Variants in NAV1 observed in about 807,000 individuals in gnomAD.
NAV1 encodes pore membrane and/or filament interacting like protein 3.
In NAV1, 18 loss-of-function variants were observed where a neutral mutation model predicts 175.2. The ratio of observed to expected loss-of-function variants is 0.10; its 90% CI spans 0.07 to 0.15. NAV1 has a LOEUF of 0.15. Among genes scored for constraint, NAV1 ranks in the 10% least tolerant of loss-of-function variants. NAV1 has a pLI of 1.00. For synonymous variants in NAV1, 897 were observed against 978.7 expected, an observed-to-expected ratio of 0.92 and a Z score of 1.56; for missense variants, 1,731 against 2,436.6, an observed-to-expected ratio of 0.71 and a Z score of 6.10.
At chr1:201,774,884 T>C (rs1288017518) in intron 3 of NAV1, among the ~76,000 whole-genome samples, 1 of 152,190 alleles carries the variant, frequency 6.6e-6, no homozygotes, top group Non-Finnish European at 1.5e-5. Flanking sequence ...GATGAGATCA[T>C]GGGAAGCTGG....
intron 1 of NAV1, among the ~76,000 whole-genome samples, chr1:201,627,327 C>T (rs913543767): frequency 5.3e-5 from 8 of 151,868 alleles, no homozygotes; most frequent in Non-Finnish European, 1.0e-4. Flanking sequence ...GGCTGGAGTG[C>T]AGTAGCACGA....
At chr1:201,642,461 G>A (rs749688446) in intron 2 of NAV1, among the ~76,000 whole-genome samples, 2 of 151,412 alleles carry the variant, frequency 1.3e-5, no homozygotes, top group African/African-American at 2.4e-5. Flanking sequence ...TCCTGACCTC[G>A]TGATTCACCC....
intron 2 of NAV1, among the ~76,000 whole-genome samples, chr1:201,641,668 G>A (rs1275268757): frequency 6.6e-5 from 10 of 152,188 alleles, no homozygotes; most frequent in South Asian, 2.1e-4. Flanking sequence ...CAGAGAAAAC[G>A]TATAGAAAAT....
At chr1:201,765,329 T>C (rs1675132505) in intron 3 of NAV1, among the ~76,000 whole-genome samples, 1 of 151,330 alleles carries the variant, frequency 6.6e-6, no homozygotes, top group Non-Finnish European at 1.5e-5. Flanking sequence ...CAAGGTACAG[T>C]AGAGCATTGG....
At chr1:201,783,554 C>T (rs762228254) in exon 7 of NAV1, 5 of 1,614,004 alleles carry the variant, frequency 3.1e-6, no homozygotes, top group Non-Finnish European at 3.4e-6. Context: ...ATCTGGGGGC[C>T]CTCTCCCTTC....
At chr1:201,747,915 C>T (rs973281100) in intron 3 of NAV1, among the ~76,000 whole-genome samples, 3 of 152,202 alleles carry the variant, frequency 2.0e-5, no homozygotes, top group Non-Finnish European at 2.9e-5. Flanking sequence ...TCTTGGGATC[C>T]TTCTTCCAGA....
chr1:201,584,384 C>T (rs555396543), intron 1 of NAV1, among the ~76,000 whole-genome samples: 2 of 152,320 alleles, frequency 1.3e-5, no homozygotes, highest in African/African-American at 4.8e-5. Context: ...TGGATTCTAA[C>T]CACTTAGATT....
chr1:201,714,549 C>T (rs1053218409), intron 2 of NAV1, among the ~76,000 whole-genome samples: 3 of 152,192 alleles, frequency 2.0e-5, no homozygotes, highest in Non-Finnish European at 4.4e-5. Context: ...GTGGGGGCTC[C>T]AGGACCCCCT....
intron 1 of NAV1, among the ~76,000 whole-genome samples, chr1:201,684,931 C>T (rs888430757): frequency 6.7e-6 from 1 of 149,438 alleles, no homozygotes; most frequent in Non-Finnish European, 1.5e-5. Flanking sequence ...TACTGCACTC[C>T]AGCCTGGGCG....
chr1:201,566,755 C>T (rs1666364900), intron 1 of NAV1, among the ~76,000 whole-genome samples: 2 of 151,948 alleles, frequency 1.3e-5, no homozygotes, highest in South Asian at 4.1e-4. Context: ...TAGCCATAAT[C>T]CCCCACTCCA....
chr1:201,596,805 T>A (rs112700449), intron 2 of NAV1, among the ~76,000 whole-genome samples: 7,276 of 150,324 alleles, frequency 0.048, 193 homozygotes, highest in Middle Eastern at 0.072. Context: ...TTTTTTAGTT[T>A]GTTTGTTTTT....
chr1:201,755,699 C>T (rs983116596), intron 3 of NAV1, among the ~76,000 whole-genome samples: 1 of 152,110 alleles, frequency 6.6e-6, no homozygotes, highest in Non-Finnish European at 1.5e-5. Context: ...AATTAATGCA[C>T]TTACACATTA....
At position 201,813,917 on chromosome 1, in the gene NAV1, C is replaced by T. The variant is rs144940681; in HGVS notation, c.5340+659C>T. On this transcript the variant is annotated intron_variant, in intron 28 of 29. Coordinates refer to ENST00000367296, the Ensembl canonical transcript of NAV1. This position sits in a 1 kb window ranked among gnomAD's most constrained non-coding sequence, Gnocchi z 4.2. Reference sequence around the variant, plus strand: ...CTAAAAATACAAAAAATTAGCCAGACGTGGTGGTGGGCGCCTGCAGTCCCA... The same window carrying T: ...CTAAAAATACAAAAAATTAGCCAGATGTGGTGGTGGGCGCCTGCAGTCCCA... Among the ~76,000 whole-genome samples, 470 of 152,090 alleles carry T rather than the reference C, an allele frequency of 3.1e-3. 10 individuals are homozygous for T. In the East Asian group the frequency reaches 0.034, roughly 11 times the overall value.
At chr1:201,799,196 G>GT (rs1553277504) in intron 15 of NAV1, among the ~76,000 whole-genome samples, 2 of 151,386 alleles carry the variant, frequency 1.3e-5, no homozygotes, top group Admixed American at 1.3e-4. Context: ...GTGTGTGTGT[G>GT]GAGAGAGAGA....
intron 3 of NAV1, among the ~76,000 whole-genome samples, chr1:201,739,061 G>T (rs902764685): frequency 1.3e-5 from 2 of 152,142 alleles, no homozygotes; most frequent in Non-Finnish European, 2.9e-5. Context: ...AGGACCCTCA[G>T]GGGGGAGGAA....
At chr1:201,578,224 TTGTTC>T (rs1666748034) in intron 1 of NAV1, among the ~76,000 whole-genome samples, 1 of 152,206 alleles carries the variant, frequency 6.6e-6, no homozygotes, top group African/African-American at 2.4e-5. Flanking sequence ...TTAATTTCTA[TTGTTC>T]TATCTTCCAG....
chr1:201,701,009 C>CAAAAAAAAAAAAAAA (rs386369321), intron 1 of NAV1, among the ~76,000 whole-genome samples: 1 of 52,746 alleles, frequency 1.9e-5, no homozygotes, highest in African/African-American at 8.8e-5. Context: ...GACTCTGTCT[C>CAAAAAAAAAAAAAAA]AAAAAAAAAA....
chr1:201,633,845 G>T (rs1668542839), intron 2 of NAV1, among the ~76,000 whole-genome samples: 1 of 152,198 alleles, frequency 6.6e-6, no homozygotes, highest in Non-Finnish European at 1.5e-5. Context: ...GAGCAGGTTG[G>T]TGCTGTTGTG....
At chr1:201,709,948 G>T (rs374684647) in intron 1 of NAV1, among the ~76,000 whole-genome samples, 2 of 152,108 alleles carry the variant, frequency 1.3e-5, no homozygotes, top group Admixed American at 1.3e-4. Flanking sequence ...TTGTGGTTTG[G>T]CGACTCTGGG....
Sources: gnomAD v4.1 joint callset for allele counts (sites outside exome capture counted in the v4.1 genomes callset) on GRCh38, gnomAD v4.1.1 for gene constraint, Gnocchi (gnomAD v3.1) non-coding constraint, MANE v1.5 for transcripts, NCBI Gene and HGNC (gene_info 2026-07-23, HGNC 2026-07-21) for gene names.